The following TANK variants were observed in gnomAD, a reference collection of about 807,000 sequenced individuals.
TANK encodes the protein TRAF family member-associated NF-kappa-B activator.
A neutral mutation model predicts 43.6 loss-of-function variants in TANK; 15 were observed. The observed-to-expected ratio is 0.34, with a 90% CI of 0.23 to 0.53. The LOEUF (loss-of-function observed/expected upper bound fraction) is 0.53, where lower values mean the gene tolerates loss of function less well. Among genes scored for constraint, TANK ranks in the 20% least tolerant of loss-of-function variants. TANK has a pLI of 0.94. For synonymous variants in TANK, 162 were observed against 178.2 expected (o/e 0.91, Z 0.73); for missense variants, 417 against 498.6 (o/e 0.84, Z 1.56).
At chr2:161,228,408 G>A (rs1378391387) in intron 6 of TANK, among the ~76,000 whole-genome samples, 5 of 152,162 alleles carry the variant, frequency 3.3e-5, no homozygotes, top group African/African-American at 7.2e-5. Context: ...ACGCATGCCC[G>A]TAATCCCAGC....
chr2:161,224,502 T>C (rs1687509791), intron 5 of TANK, 129 bp from the exon 6 acceptor site: 1 of 471,142 alleles, frequency 2.1e-6, no homozygotes, highest in Non-Finnish European at 3.8e-6. Flanking sequence ...GTTTAGGAAT[T>C]TAAAATAATT....
chr2:161,210,622 G>A (rs1414787205), intron 4 of TANK, among the ~76,000 whole-genome samples: 4 of 151,828 alleles, frequency 2.6e-5, no homozygotes, highest in East Asian at 1.9e-4. Flanking sequence ...GCTTGAACCC[G>A]GGAGGCGGAG....
intron 7 of TANK, among the ~76,000 whole-genome samples, chr2:161,233,818 A>G (rs1688041870): frequency 1.3e-5 from 2 of 152,200 alleles, no homozygotes; most frequent in African/African-American, 2.4e-5. Flanking sequence ...ATTTTTGGCC[A>G]TATCAATTTC....
At chr2:161,195,780 G>A (rs1206884686) in intron 2 of TANK, among the ~76,000 whole-genome samples, 1 of 152,132 alleles carries the variant, frequency 6.6e-6, no homozygotes, top group Non-Finnish European at 1.5e-5. Flanking sequence ...TAATAGTTGA[G>A]ATTAAACTTG....
intron 1 of TANK, among the ~76,000 whole-genome samples, chr2:161,173,351 C>G (rs1270831009): frequency 6.6e-6 from 1 of 152,160 alleles, no homozygotes; most frequent in African/African-American, 2.4e-5. Context: ...TCTGCTCTTT[C>G]AGAATGAATG....
At chr2:161,187,898 A>G (rs1281155318) in intron 2 of TANK, among the ~76,000 whole-genome samples, 2 of 152,242 alleles carry the variant, frequency 1.3e-5, no homozygotes, top group African/African-American at 2.4e-5. Flanking sequence ...AAGTCAGCAA[A>G]AGAAAAAGTG....
chr2:161,151,614 G>GA (rs2105229551), intron 1 of TANK, among the ~76,000 whole-genome samples: 1 of 152,186 alleles, frequency 6.6e-6, no homozygotes, highest in Non-Finnish European at 1.5e-5. Flanking sequence ...CTGTTTGCAT[G>GA]AAAAATCTTC....
At chr2:161,214,827 T>C (rs1267033) in intron 4 of TANK, among the ~76,000 whole-genome samples, 124,771 of 152,116 alleles carry the variant, frequency 0.82, 51,337 homozygotes, top group East Asian at 1. Flanking sequence ...TACAGTAAAG[T>C]TAGTAGCGAA....
chr2:161,204,846 C>T (rs369818303), intron 4 of TANK, 53 bp downstream of exon 4: 6 of 1,582,008 alleles, frequency 3.8e-6, no homozygotes, highest in Non-Finnish European at 5.1e-6. Context: ...CGTGACATAG[C>T]TTCCTCATTT....
intron 2 of TANK, among the ~76,000 whole-genome samples, chr2:161,181,278 G>A (rs1288163747): frequency 6.6e-6 from 1 of 152,124 alleles, no homozygotes; most frequent in Non-Finnish European, 1.5e-5. Context: ...AAATTAGCCA[G>A]GCATGGTGGC....
At chr2:161,173,710 G>A (rs978757926) in intron 1 of TANK, among the ~76,000 whole-genome samples, 1 of 151,860 alleles carries the variant, frequency 6.6e-6, no homozygotes, top group Admixed American at 6.6e-5. Context: ...TCAATTATAA[G>A]CTCTAATTGG....
At chr2:161,181,931 A>G (rs2105300491) in intron 2 of TANK, among the ~76,000 whole-genome samples, 1 of 152,112 alleles carries the variant, frequency 6.6e-6, no homozygotes, top group African/African-American at 2.4e-5. Flanking sequence ...AAAAAAAAAA[A>G]TTACTAGCCT....
At chr2:161,160,400 G>A, upstream of TANK, 1 of 1,241,590 alleles carries the variant, frequency 8.1e-7, no homozygotes, top group Non-Finnish European at 1.0e-6. Context: ...CTCTGAACTG[G>A]AACAAAATGC....
Position 161,164,467 on chromosome 2 carries a change from T to C in TANK, c.-50+3981T>C, listed in dbSNP as rs143433542. Among the ~76,000 whole-genome samples the C allele has an allele frequency of 1.6e-4, 24 of 152,302 alleles. 1 individual carries two copies. The East Asian group carries it at 4.6e-3, about 29-fold the overall frequency. On this transcript the variant is annotated intron_variant, in intron 1 of 7. Transcript: ENST00000392749. ...GAAAGAGGAGGCTATTATTTAGATA[T>C]GTAACAAAAATCGCTTTATAGTTCG...
chr2:161,142,526 A>T (rs576895574), intron 1 of TANK, among the ~76,000 whole-genome samples: 101 of 152,228 alleles, frequency 6.6e-4, no homozygotes, highest in African/African-American at 2.3e-3. Context: ...GTGCAGTTTC[A>T]GTTTTCTGCA....
intron 1 of TANK, among the ~76,000 whole-genome samples, chr2:161,139,068 T>C (rs1302633686): frequency 6.6e-6 from 1 of 152,208 alleles, no homozygotes; most frequent in Admixed American, 6.5e-5. Flanking sequence ...AATTTATCTT[T>C]CATCTAGCAA....
At chr2:161,180,535 T>C (rs554469886) in intron 2 of TANK, among the ~76,000 whole-genome samples, 2 of 152,320 alleles carry the variant, frequency 1.3e-5, no homozygotes, top group African/African-American at 2.4e-5. Context: ...TTATGTTCCA[T>C]GTTTCCATAC....
At chr2:161,217,897 T>C (rs1574053447) in intron 4 of TANK, among the ~76,000 whole-genome samples, 1 of 152,220 alleles carries the variant, frequency 6.6e-6, no homozygotes, top group South Asian at 2.1e-4. Context: ...CCCAGTCTTT[T>C]ATTAAAAGAT....
At chr2:161,146,309 A>C (rs1362158835) in intron 1 of TANK, among the ~76,000 whole-genome samples, 6 of 152,078 alleles carry the variant, frequency 3.9e-5, no homozygotes, top group Non-Finnish European at 8.8e-5. Context: ...CCACCTTCTG[A>C]AGCCTACTTC....
Sources: gnomAD v4.1 joint callset for allele counts (sites outside exome capture counted in the v4.1 genomes callset) on GRCh38, gnomAD v4.1.1 for gene constraint, MANE v1.5 for transcripts, NCBI Gene and HGNC (gene_info 2026-07-23, HGNC 2026-07-21) for gene names.